The following PAM variants were observed in gnomAD, a reference collection of about 807,000 sequenced individuals.
PAM encodes peptidyl-glycine alpha-amidating monooxygenase.
PAM carries 72 observed loss-of-function variants against 122.1 expected under a neutral mutation model. The ratio of observed to expected loss-of-function variants is 0.59; its 90% CI spans 0.49 to 0.72. The LOEUF (loss-of-function observed/expected upper bound fraction) is 0.72. PAM is among the 30% of genes least tolerant of loss of function. The pLI is 0.00. For synonymous variants in PAM, 389 were observed against 404.4 expected, an observed-to-expected ratio of 0.96 and a Z score of 0.46; for missense variants, 1,106 against 1,183.7, an observed-to-expected ratio of 0.93 and a Z score of 0.96.
Position 102,987,016 on chromosome 5 carries a change from A to G in PAM, c.1484-3256A>G, listed in dbSNP as rs116784405. On this transcript the variant is annotated intron_variant, in intron 15 of 25. Coordinates refer to ENST00000438793, the MANE Select transcript of PAM (RefSeq NM_001177306.2). The stretch of plus-strand genomic sequence containing the variant: ...AGCAGTGTGAAAACAGATTAATACA[A>G]TCTACAGATTTAGTGCAATCATTAT... 7.1e-3 allele frequency among the ~76,000 whole-genome samples: 1,078 copies of G among 152,260 alleles called. 8 individuals carry two copies. Among genetic ancestry groups the G allele is most frequent in the Non-Finnish European group, 0.012 (843 of 68,002 alleles).
intron 1 of PAM, among the ~76,000 whole-genome samples, chr5:102,806,794 A>AT (rs1430763307): frequency 3.9e-5 from 6 of 152,158 alleles, no homozygotes; most frequent in African/African-American, 1.4e-4. Flanking sequence ...TGCTTTCAGA[A>AT]TTTTTTCTAA....
chr5:102,971,995 C>T (rs1162819747), intron 14 of PAM, among the ~76,000 whole-genome samples: 1 of 152,124 alleles, frequency 6.6e-6, no homozygotes, highest in Non-Finnish European at 1.5e-5. Context: ...AAGCCTGTTG[C>T]ATTATTTTAA....
At chr5:102,956,984 A>G (rs1760957191) in intron 12 of PAM, among the ~76,000 whole-genome samples, 1 of 152,138 alleles carries the variant, frequency 6.6e-6, no homozygotes, top group Admixed American at 6.6e-5. Flanking sequence ...GAAGCTTTGC[A>G]GTATTAGTTG....
intron 23 of PAM, among the ~76,000 whole-genome samples, chr5:103,022,840 G>T (rs1238958179): frequency 2.0e-5 from 3 of 152,044 alleles, no homozygotes; most frequent in Non-Finnish European, 4.4e-5. Flanking sequence ...GCTTTCAGTG[G>T]AATTCTTAGA....
At chr5:102,884,334 T>C (rs1009132508) in intron 3 of PAM, among the ~76,000 whole-genome samples, 15 of 151,866 alleles carry the variant, frequency 9.9e-5, no homozygotes, top group African/African-American at 3.6e-4. Flanking sequence ...TAAAAATCTC[T>C]AGAGGGATTT....
chr5:102,875,583 T>C (rs1788913604), intron 3 of PAM, among the ~76,000 whole-genome samples: 1 of 152,234 alleles, frequency 6.6e-6, no homozygotes, highest in African/African-American at 2.4e-5. Context: ...CAAGATATTC[T>C]TGGTCACTTG....
intron 1 of PAM, among the ~76,000 whole-genome samples, chr5:102,853,057 C>G (rs896866563): frequency 9.2e-5 from 14 of 152,130 alleles, no homozygotes; most frequent in Non-Finnish European, 2.1e-4. Flanking sequence ...TATAAATGTA[C>G]ATAATTGACC....
intron 3 of PAM, among the ~76,000 whole-genome samples, chr5:102,889,745 C>T (rs75711689): frequency 6.6e-6 from 1 of 151,990 alleles, no homozygotes; most frequent in South Asian, 2.1e-4. Context: ...AGTGGCCCTC[C>T]TCCTTAGCCC....
At chr5:102,875,549 A>C (rs1581207069) in intron 3 of PAM, among the ~76,000 whole-genome samples, 1 of 152,192 alleles carries the variant, frequency 6.6e-6, no homozygotes, top group Non-Finnish European at 1.5e-5. Context: ...ATGTAGAAAG[A>C]CATGCTACTA....
rs1214985128 is a variant in PAM at position 103,029,230 on chromosome 5, A to T, written c.*165A>T. On this transcript the variant is annotated 3_prime_UTR_variant, in exon 26 of 26. Coordinates refer to ENST00000438793, the MANE Select transcript of PAM (RefSeq NM_001177306.2). Reference sequence around the variant, plus strand: ...TTTGGTTAAGTTGGCTTCTGTTTCTAGTTGAGGAGTTTCCTAAAAGTTCAT... The same window carrying T: ...TTTGGTTAAGTTGGCTTCTGTTTCTTGTTGAGGAGTTTCCTAAAAGTTCAT... The T allele has an allele frequency of 2.1e-6, 1 of 465,286 alleles. No individual in the cohort carries two copies. Among genetic ancestry groups the T allele is most frequent in the Non-Finnish European group, 3.7e-6 (1 of 273,210 alleles). 28.8% of individuals were successfully genotyped at this position (465,286 alleles called of 1,614,324 possible).
rs1580875568 is a variant in PAM, at chr5:102,847,219, A to C, written c.-373-18604A>C. ...ATTAAGAAACCCTTCTGCTGGAATC[A>C]CCTGAGGTCAGGAGTTCAAGACCAG... On this transcript the variant is annotated intron_variant, in intron 1 of 25. Coordinates refer to ENST00000438793, the MANE Select transcript of PAM (RefSeq NM_001177306.2). Among the ~76,000 whole-genome samples, 2 of 152,150 alleles carry C rather than the reference A, an allele frequency of 1.3e-5. 1 individual carries two copies. The highest frequency in any genetic ancestry group is 4.1e-4 in the South Asian group (2 of 4,826).
chr5:102,812,733 A>G (rs1257301281), intron 1 of PAM, among the ~76,000 whole-genome samples: 1 of 152,160 alleles, frequency 6.6e-6, no homozygotes, highest in Non-Finnish European at 1.5e-5. Flanking sequence ...TCAAAATACC[A>G]TCATTAAAGG....
chr5:102,887,399 T>C (rs1447006106), intron 3 of PAM, among the ~76,000 whole-genome samples: 1 of 151,998 alleles, frequency 6.6e-6, no homozygotes, highest in Non-Finnish European at 1.5e-5. Context: ...CAGATGCAGC[T>C]ACCGAATCTT....
chr5:102,937,399 G>T (rs1007504496), intron 7 of PAM, among the ~76,000 whole-genome samples: 4 of 152,172 alleles, frequency 2.6e-5, no homozygotes, highest in African/African-American at 9.7e-5. Flanking sequence ...TGGCAAGAAG[G>T]TAACATTCAA....
At chr5:103,017,754 A>G (rs1782446467) in intron 22 of PAM, among the ~76,000 whole-genome samples, 1 of 152,202 alleles carries the variant, frequency 6.6e-6, no homozygotes, top group African/African-American at 2.4e-5. Flanking sequence ...ACTTCTTTCC[A>G]TAAAGCCTCA....
intron 1 of PAM, among the ~76,000 whole-genome samples, chr5:102,813,410 G>A (rs1035679849): frequency 7.9e-5 from 12 of 152,188 alleles, no homozygotes; most frequent in African/African-American, 2.9e-4. Flanking sequence ...TGGCAGTAAA[G>A]TCATGCAGCA....
chr5:102,958,475 T>A (rs528129500), intron 12 of PAM, among the ~76,000 whole-genome samples: 1 of 152,262 alleles, frequency 6.6e-6, no homozygotes, highest in African/African-American at 2.4e-5. Context: ...TTATAGCACA[T>A]ACTGACCAAC....
intron 1 of PAM, among the ~76,000 whole-genome samples, chr5:102,862,666 C>T (rs1176375473): frequency 6.6e-6 from 1 of 152,152 alleles, no homozygotes; most frequent in African/African-American, 2.4e-5. Context: ...ATATTTGTTG[C>T]AACAACAATA....
Position 102,940,151 on chromosome 5 carries a change from TACACAC to T in PAM, c.527-6678_527-6673del, listed in dbSNP as rs1000380962. Among the ~76,000 whole-genome samples, 8 of 134,808 alleles carry T rather than the reference TACACAC, an allele frequency of 5.9e-5. No individual in the cohort carries two copies. In the South Asian group the frequency reaches 1.9e-3, roughly 31 times the overall value. The allele number at this position is 134,808 out of a possible 152,430, so 88.4% of individuals were successfully genotyped here. Reference sequence around the variant, plus strand: ...ACACACACACACACACACACACACATACACACACACACATATATATGAAAACACCCT... The same window carrying T: ...ACACACACACACACACACACACACATACACACATATATATGAAAACACCCT... On this transcript the variant is annotated intron_variant, in intron 7 of 25. Coordinates refer to ENST00000438793, the MANE Select transcript of PAM (RefSeq NM_001177306.2).
Sources: gnomAD v4.1 joint callset for allele counts (sites outside exome capture counted in the v4.1 genomes callset) on GRCh38, gnomAD v4.1.1 for gene constraint, MANE v1.5 for transcripts, NCBI Gene and HGNC (gene_info 2026-07-23, HGNC 2026-07-21) for gene names.